NANS: variants seen among roughly 807,000 people sequenced by gnomAD.
NANS encodes N-acetylneuraminate-9-phosphate synthase.
In NANS, 29 loss-of-function variants were observed where a neutral mutation model predicts 33.3. That is an observed-to-expected ratio of 0.87 (90% CI 0.65 to 1.19). The LOEUF (loss-of-function observed/expected upper bound fraction) is 1.19. NANS is among the 50% of genes most tolerant of loss of function. The pLI, the probability that NANS is intolerant of heterozygous loss-of-function variation, is 0.00. For synonymous variants in NANS, 163 were observed against 177.2 expected (o/e 0.92, Z 0.64); for missense variants, 394 against 461.1 (o/e 0.85, Z 1.33).
At chr9:98,080,235 A>G (rs1829793615) in intron 4 of NANS, among the ~76,000 whole-genome samples, 1 of 152,182 alleles carries the variant, frequency 6.6e-6, no homozygotes, top group Non-Finnish European at 1.5e-5. Flanking sequence ...ATAAATAACA[A>G]TAAAATAATA....
At chr9:98,068,870 A>T (rs985380202) in intron 2 of NANS, among the ~76,000 whole-genome samples, 2 of 152,114 alleles carry the variant, frequency 1.3e-5, no homozygotes, top group African/African-American at 4.8e-5. Flanking sequence ...GGTGTCAAGG[A>T]TACAAAGAAA....
At chr9:98,068,521 A>T (rs1255533129) in intron 2 of NANS, among the ~76,000 whole-genome samples, 1 of 151,886 alleles carries the variant, frequency 6.6e-6, no homozygotes. Flanking sequence ...TCGTTAAAGT[A>T]AAAAGTGGTT....
chr9:98,066,014 G>T (rs1829137416), intron 2 of NANS, among the ~76,000 whole-genome samples: 1 of 152,146 alleles, frequency 6.6e-6, no homozygotes, highest in Non-Finnish European at 1.5e-5. Context: ...TCATTTGGAG[G>T]ACTAAGTCCT....
At position 98,056,853 on chromosome 9, in the gene NANS, G is replaced by T. The variant is rs755076717; in HGVS notation, c.45G>T (p.Gly15=). 1.2e-6 allele frequency: 2 copies of T among 1,609,390 alleles called. No homozygotes were observed. Among genetic ancestry groups the T allele is most frequent in the South Asian group, 1.1e-5 (1 of 90,936 alleles). ...LELCPGRWVG[G]QHPCFIIAEI... is the part of the protein sequence containing the mutation. ...TGTGTCCCGGGCGCTGGGTGGGCGG[G>T]CAACACCCGTGCTTCATCATTGCCG... The change falls in exon 1 of 6, where the codon GGG becomes GGT. Residue 15 remains glycine, a synonymous_variant. Transcript: ENST00000210444.
chr9:98,065,740 T>C (rs2131627974), intron 2 of NANS, among the ~76,000 whole-genome samples: 1 of 152,036 alleles, frequency 6.6e-6, no homozygotes, highest in South Asian at 2.1e-4. Flanking sequence ...CCACGTGTTG[T>C]GGGAGGGACC....
intron 4 of NANS, among the ~76,000 whole-genome samples, chr9:98,080,161 C>T (rs1353309939): frequency 6.6e-6 from 1 of 152,204 alleles, no homozygotes; most frequent in African/African-American, 2.4e-5. Context: ...TTGCAGTGAG[C>T]TGAGATCACG....
At chr9:98,079,620 G>A (rs1587929122) in intron 4 of NANS, among the ~76,000 whole-genome samples, 1 of 152,198 alleles carries the variant, frequency 6.6e-6, no homozygotes, top group East Asian at 1.9e-4. Context: ...AATATGTAAT[G>A]TCGAAAGTAA....
chr9:98,068,770 A>C (rs1355018665), intron 2 of NANS, among the ~76,000 whole-genome samples: 3 of 151,696 alleles, frequency 2.0e-5, no homozygotes, highest in Non-Finnish European at 4.4e-5. Flanking sequence ...GTGGTAAGCC[A>C]TGATTGCACC....
intron 1 of NANS, among the ~76,000 whole-genome samples, chr9:98,059,234 A>G (rs970786030): frequency 6.6e-6 from 1 of 152,052 alleles, no homozygotes; most frequent in East Asian, 1.9e-4. Context: ...CATGTTAGCC[A>G]GGATGGTCTC....
In NANS at chr9:98,056,819, A is replaced by T; in HGVS notation, c.11A>T (p.Glu4Val). The change falls in exon 1 of 6, where the codon GAG becomes GTG. Residue 4 changes from glutamate to valine, a missense_variant. Coordinates refer to ENST00000210444, the MANE Select transcript of NANS (RefSeq NM_018946.4). ...CCCCGAGCCGCTGCAATGCCGCTGGAGCTGGAGCTGTGTCCCGGGCGCTGG... is the reference window on the plus strand; with the variant it reads ...CCCCGAGCCGCTGCAATGCCGCTGGTGCTGGAGCTGTGTCCCGGGCGCTGG... MPLELELCPGRWVG... is the reference protein window; with the variant it reads MPLVLELCPGRWVG... 1 of 1,608,428 alleles carries T rather than the reference A, an allele frequency of 6.2e-7. No individual in the cohort carries two copies. The highest frequency in any genetic ancestry group is 8.5e-7 in the Non-Finnish European group (1 of 1,177,312).
intron 2 of NANS, among the ~76,000 whole-genome samples, chr9:98,064,599 C>T (rs540400758): frequency 1.3e-5 from 2 of 152,264 alleles, no homozygotes; most frequent in Admixed American, 6.5e-5. Flanking sequence ...TATGAAGCAT[C>T]TTCACATACA....
rs1034613225 is a variant in NANS, at chr9:98,060,856, G to T, written c.207G>T (p.Arg69Ser). Residue 69 changes from arginine to serine, a missense_variant, in exon 2 of 6, where the codon AGG (arginine) becomes AGT (serine). Coordinates refer to ENST00000210444, the MANE Select transcript of NANS (RefSeq NM_018946.4). Reference protein sequence around the residue: ...EFKFNRKALERPYTSKHSWGK... With the variant: ...EFKFNRKALESPYTSKHSWGK... ...AGTTTAATCGGAAAGCCTTGGAGAG[G>T]CCATACACCTCGAAGCATTCCTGGG... 1.9e-6 allele frequency: 3 copies of T among 1,614,192 alleles called. No homozygotes were observed. The highest frequency in any genetic ancestry group is 2.5e-6 in the Non-Finnish European group (3 of 1,180,050).
At chr9:98,062,289 G>C (rs1040574867) in intron 2 of NANS, among the ~76,000 whole-genome samples, 3 of 151,980 alleles carry the variant, frequency 2.0e-5, no homozygotes, top group Non-Finnish European at 4.4e-5. Context: ...TGACTTGAGT[G>C]GGGGGACACT....
chr9:98,057,259 G>A (rs1353989356), intron 1 of NANS, among the ~76,000 whole-genome samples: 1 of 152,202 alleles, frequency 6.6e-6, no homozygotes, highest in Non-Finnish European at 1.5e-5. Flanking sequence ...CCTCCTGCCC[G>A]CGGGTAGAGT....
chr9:98,073,317 C>T (rs1829433642), intron 2 of NANS, among the ~76,000 whole-genome samples: 2 of 111,356 alleles, frequency 1.8e-5, no homozygotes, highest in African/African-American at 3.5e-5. Context: ...CGGAGTCTTG[C>T]TCTGTCACCC....
At chr9:98,070,890 C>T (rs779457874) in intron 2 of NANS, among the ~76,000 whole-genome samples, 1 of 151,598 alleles carries the variant, frequency 6.6e-6, no homozygotes, top group Non-Finnish European at 1.5e-5. Context: ...TAGCTCACCG[C>T]AGCCTTGACG....
intron 2 of NANS, chr9:98,075,251 A>C (rs1829530174): frequency 6.6e-6 from 1 of 151,960 alleles, no homozygotes; most frequent in Non-Finnish European, 1.5e-5. Flanking sequence ...GGAGTTTGAG[A>C]CCAGTCTGGG....
intron 1 of NANS, among the ~76,000 whole-genome samples, chr9:98,060,470 A>T (rs1442544852): frequency 6.6e-6 from 1 of 152,244 alleles, no homozygotes; most frequent in African/African-American, 2.4e-5. Flanking sequence ...GGAGTTCAAG[A>T]CCAGCCTGGC....
chr9:98,061,047 A>C (rs770022684), intron 2 of NANS, 50 bp downstream of exon 2: 2 of 1,582,124 alleles, frequency 1.3e-6, no homozygotes, highest in African/African-American at 2.7e-5. Context: ...ACCAAGGGTC[A>C]GCAGGCAGCC....
Sources: allele counts gnomAD v4.1 joint callset (sites outside exome capture counted in the v4.1 genomes callset), GRCh38; gene constraint gnomAD v4.1.1; transcripts MANE v1.5; gene names NCBI Gene and HGNC (gene_info 2026-07-23, HGNC 2026-07-21).